GDAP1: variants seen among roughly 807,000 people sequenced by gnomAD.
The protein encoded by GDAP1 is ganglioside induced differentiation associated protein 1, also known as ganglioside-induced differentiation-associated protein 1.
GDAP1 carries 34 observed loss-of-function variants against 40.1 expected under a neutral mutation model. That is an observed-to-expected ratio of 0.85 (90% CI 0.64 to 1.13). The LOEUF (loss-of-function observed/expected upper bound fraction) is 1.13, where lower values mean the gene tolerates loss of function less well. Ranked by LOEUF, GDAP1 falls within the 50% of genes most tolerant of loss-of-function variation. The pLI is 0.00. For missense variants in GDAP1, 374 were observed against 433.7 expected (o/e 0.86, Z 1.22); for synonymous variants, 170 against 157.4 (o/e 1.08, Z -0.60).
intron 2 of GDAP1, among the ~76,000 whole-genome samples, chr8:74,377,526 A>T (rs1226630052): frequency 6.6e-6 from 1 of 152,208 alleles, no homozygotes; most frequent in Non-Finnish European, 1.5e-5. Context: ...TAACATAGAA[A>T]CTATTAATAT....
chr8:74,459,942 C>G (rs1806380632), intron 2 of GDAP1, among the ~76,000 whole-genome samples: 2 of 152,158 alleles, frequency 1.3e-5, no homozygotes, highest in Non-Finnish European at 2.9e-5. Context: ...GGATTACTTC[C>G]TAATGCAATA....
At chr8:74,359,327 C>A (rs1316507433) in intron 2 of GDAP1, among the ~76,000 whole-genome samples, 3 of 152,134 alleles carry the variant, frequency 2.0e-5, no homozygotes, top group Non-Finnish European at 4.4e-5. Flanking sequence ...TTATTAAACA[C>A]CTACTACATG....
At chr8:74,487,515 A>C (rs1388999266) in intron 2 of GDAP1, among the ~76,000 whole-genome samples, 1 of 152,104 alleles carries the variant, frequency 6.6e-6, no homozygotes, top group Non-Finnish European at 1.5e-5. Context: ...GTCTGGCTTA[A>C]TATAATTGAG....
intron 2 of GDAP1, among the ~76,000 whole-genome samples, chr8:74,442,534 A>T (rs879379469): frequency 3.3e-5 from 5 of 152,238 alleles, no homozygotes; most frequent in Admixed American, 2.0e-4. Context: ...AATTTGATTT[A>T]TAAGCCTCCA....
intron 2 of GDAP1, among the ~76,000 whole-genome samples, chr8:74,376,020 C>A (rs1809846208): frequency 6.6e-6 from 1 of 151,888 alleles, no homozygotes; most frequent in Non-Finnish European, 1.5e-5. Context: ...TGTAGTACAC[C>A]AAAAAAGGTA....
At position 74,360,256 on chromosome 8, in the gene GDAP1, C is replaced by T. The variant is rs570990910; in HGVS notation, c.430C>T (p.Pro144Ser). The T allele has an allele frequency of 5.6e-6, 9 of 1,613,888 alleles. No homozygotes were observed. In the African/African-American group the frequency reaches 8.0e-5, roughly 14 times the overall value. ...DAYTHGCILH[P>S]ELTVDSMIPA... ...CTATACACATGGCTGCATTTTACAT[C>T]CTGAGTTAACTGTGGACTCCATGAT... Residue 144 changes from proline (P) to serine (S), a missense_variant, in exon 3 of 6, where the codon CCT becomes TCT. Coordinates refer to ENST00000220822, the MANE Select transcript of GDAP1 (RefSeq NM_018972.4).
chr8:74,444,797 A>G (rs1204575190), intron 2 of GDAP1, among the ~76,000 whole-genome samples: 1 of 152,224 alleles, frequency 6.6e-6, no homozygotes, highest in African/African-American at 2.4e-5. Context: ...AAATCAGACT[A>G]CAAATTAGAT....
intron 2 of GDAP1, among the ~76,000 whole-genome samples, chr8:74,461,772 C>G (rs550970755): frequency 8.5e-5 from 13 of 152,232 alleles, no homozygotes; most frequent in African/African-American, 2.9e-4. Context: ...TGAATTTTTC[C>G]TGTTTGACCC....
At chr8:74,478,839 G>A (rs1244335724) in intron 2 of GDAP1, among the ~76,000 whole-genome samples, 1 of 152,146 alleles carries the variant, frequency 6.6e-6, no homozygotes, top group African/African-American at 2.4e-5. Context: ...GGAGGACTAT[G>A]GTGAGAGCGG....
intron 2 of GDAP1, among the ~76,000 whole-genome samples, chr8:74,444,192 GCACACACACACACACACGCGCGCACACA>G (rs1313366948): frequency 0.029 from 3,168 of 108,770 alleles, 63 homozygotes; most frequent in African/African-American, 0.068. Context: ...GCAGGCAAAT[GCACACACACACACACACGCGCGCACACA>G]CACACACACA....
At chr8:74,430,344 A>T (rs529347436) in intron 2 of GDAP1, among the ~76,000 whole-genome samples, 328 of 152,348 alleles carry the variant, frequency 2.2e-3, no homozygotes, top group African/African-American at 7.5e-3. Context: ...CATGGCTTTC[A>T]TTGGATATCT....
intron 2 of GDAP1, among the ~76,000 whole-genome samples, chr8:74,473,670 G>GT (rs1806589442): frequency 6.6e-6 from 1 of 152,090 alleles, no homozygotes; most frequent in African/African-American, 2.4e-5. Flanking sequence ...CTCTGTGTCT[G>GT]TTTTTGTACC....
intron 2 of GDAP1, among the ~76,000 whole-genome samples, chr8:74,398,056 T>G (rs1431141844): frequency 6.6e-6 from 1 of 151,618 alleles, no homozygotes; most frequent in Non-Finnish European, 1.5e-5. Flanking sequence ...TAGTTCTCCT[T>G]GAAGAGGTCC....
intron 2 of GDAP1, among the ~76,000 whole-genome samples, chr8:74,412,176 A>G (rs1220009053): frequency 6.7e-6 from 1 of 150,168 alleles, no homozygotes; most frequent in Non-Finnish European, 1.5e-5. Flanking sequence ...TGAGAGTCAG[A>G]CTCATTGGAT....
At chr8:74,357,963 A>T (rs756635406) in intron 2 of GDAP1, among the ~76,000 whole-genome samples, 1 of 152,238 alleles carries the variant, frequency 6.6e-6, no homozygotes, top group African/African-American at 2.4e-5. Flanking sequence ...AAACTCTTTT[A>T]TCAGAAGCAG....
chr8:74,385,229 C>A (rs138906059), intron 2 of GDAP1, among the ~76,000 whole-genome samples: 4,800 of 152,024 alleles, frequency 0.032, 106 homozygotes, highest in Middle Eastern at 0.078. Flanking sequence ...GCAGAATGTG[C>A]AGGTTTGTTA....
At chr8:74,388,152 G>A (rs1172208041) in intron 2 of GDAP1, among the ~76,000 whole-genome samples, 1 of 151,864 alleles carries the variant, frequency 6.6e-6, no homozygotes, top group African/African-American at 2.4e-5. Context: ...TTCTTTGAAG[G>A]GTTTTTCGTG....
intron 2 of GDAP1, among the ~76,000 whole-genome samples, chr8:74,472,513 A>G (rs1453374540): frequency 6.6e-6 from 1 of 152,154 alleles, no homozygotes; most frequent in Non-Finnish European, 1.5e-5. Flanking sequence ...CAATTGCCAC[A>G]CTGCTTTCCA....
At chr8:74,394,374 C>G (rs1290137291) in intron 2 of GDAP1, among the ~76,000 whole-genome samples, 1 of 152,160 alleles carries the variant, frequency 6.6e-6, no homozygotes, top group African/African-American at 2.4e-5. Flanking sequence ...AACCATATCA[C>G]AAACTCTGGT....
Sources: gnomAD v4.1 joint callset for allele counts (sites outside exome capture counted in the v4.1 genomes callset) on GRCh38, gnomAD v4.1.1 for gene constraint, MANE v1.5 for transcripts, NCBI Gene and HGNC (gene_info 2026-07-23, HGNC 2026-07-21) for gene names.